Variants in DNAH3 observed in about 807,000 individuals in gnomAD.
DNAH3 encodes axonemal beta dynein heavy chain 3.
In DNAH3, 332 loss-of-function variants were observed where a neutral mutation model predicts 432.5. The ratio of observed to expected loss-of-function variants is 0.77; its 90% CI spans 0.70 to 0.84. The LOEUF (loss-of-function observed/expected upper bound fraction) is 0.84, where lower values mean the gene tolerates loss of function less well. Ranked by LOEUF, DNAH3 falls within the 40% of genes least tolerant of loss-of-function variation. The pLI is 0.00. For synonymous variants in DNAH3, 1,956 were observed against 1,900.2 expected (o/e 1.03, Z -0.76); for missense variants, 4,861 against 5,114.0 (o/e 0.95, Z 1.51).
intron 59 of DNAH3, among the ~76,000 whole-genome samples, chr16:20,940,856 G>A (rs2083779383): frequency 6.6e-6 from 1 of 152,118 alleles, no homozygotes; most frequent in Non-Finnish European, 1.5e-5. Flanking sequence ...CACTTTACGA[G>A]GCCAAGGCTG....
At chr16:20,978,791 C>T (rs55773642) in intron 50 of DNAH3, among the ~76,000 whole-genome samples, 30,742 of 151,976 alleles carry the variant, frequency 0.2, 3,446 homozygotes, top group South Asian at 0.29. Context: ...CTGATCCTCC[C>T]GGCTTTGACC....
intron 7 of DNAH3, 86 bp downstream of exon 8, chr16:21,134,172 AC>A (rs1315709633): frequency 2.3e-6 from 3 of 1,303,130 alleles, no homozygotes; most frequent in Non-Finnish European, 3.2e-6. Context: ...TGTCAGGGCT[AC>A]CCCCACTGTG....
chr16:20,973,930 ATTAT>A (rs1374243369), intron 51 of DNAH3, among the ~76,000 whole-genome samples: 1 of 152,204 alleles, frequency 6.6e-6, no homozygotes, highest in African/African-American at 2.4e-5. Flanking sequence ...GCGGCTTATG[ATTAT>A]TTAACAAATA....
chr16:21,007,802 T>G (rs548386875), intron 41 of DNAH3, among the ~76,000 whole-genome samples: 1 of 152,220 alleles, frequency 6.6e-6, no homozygotes, highest in African/African-American at 2.4e-5. Context: ...TGTGCATCTA[T>G]GTTTTCTTCT....
chr16:21,156,191 TTTTATTTTA>T (rs960766844), intron 1 of DNAH3, among the ~76,000 whole-genome samples: 3 of 141,044 alleles, frequency 2.1e-5, no homozygotes, highest in Admixed American at 2.1e-4. Context: ...TTTTATTTTA[TTTTATTTTA>T]TTTATTTTAT....
chr16:21,159,459 G>T, upstream of DNAH3: 2 of 1,610,230 alleles, frequency 1.2e-6, no homozygotes, highest in South Asian at 1.1e-5. Flanking sequence ...CCAGAGATGT[G>T]ACCCCTCCTC....
chr16:21,006,956 T>C (rs2087335594), intron 41 of DNAH3, among the ~76,000 whole-genome samples: 1 of 152,180 alleles, frequency 6.6e-6, no homozygotes, highest in Non-Finnish European at 1.5e-5. Context: ...TTAAATTAAA[T>C]TGGATTGTGT....
exon 27 of DNAH3, chr16:21,058,169 A>G: frequency 2.5e-6 from 4 of 1,613,560 alleles, no homozygotes; most frequent in Non-Finnish European, 1.7e-6. Context: ...TGTCCAGGCC[A>G]CTGTAAGACC....
At chr16:21,121,663 G>A (rs1047302779) in intron 10 of DNAH3, among the ~76,000 whole-genome samples, 11 of 148,638 alleles carry the variant, frequency 7.4e-5, no homozygotes, top group African/African-American at 2.0e-4. Context: ...GTGCGGTGAC[G>A]CCATCTCAGC....
chr16:21,077,821 G>C (rs991006981), intron 20 of DNAH3, among the ~76,000 whole-genome samples: 3 of 152,126 alleles, frequency 2.0e-5, no homozygotes, highest in Admixed American at 6.5e-5. Flanking sequence ...CATAGGTCAG[G>C]AAACCAACGC....
Position 21,138,810 on chromosome 16 carries a change from A to AT in DNAH3, c.696+1725dup, listed in dbSNP as rs1336883930. 5.9e-4 allele frequency among the ~76,000 whole-genome samples: 49 copies of AT among 83,118 alleles called. 1 individual carries two copies. The highest frequency in any genetic ancestry group is 2.3e-3 in the African/African-American group (46 of 19,994). The allele number at this position is 83,118 out of a possible 152,430, so 54.5% of individuals were successfully genotyped here. A position where few individuals can be genotyped will look rare whatever the true frequency, so the allele number is the denominator to read the frequency against. On this transcript the variant is annotated intron_variant, in intron 5 of 61. Transcript: ENST00000261383. ...GGGTAACAGAGCAAGACTCCCTCTA[A>AT]TAAAAAAAAAAAACAACACAGAGAC...
chr16:20,953,239 A>G (rs1259542511), intron 55 of DNAH3, among the ~76,000 whole-genome samples: 4 of 150,742 alleles, frequency 2.7e-5, no homozygotes, highest in African/African-American at 9.8e-5. Flanking sequence ...GCTGACTGCA[A>G]CCTCCACCTC....
intron 53 of DNAH3, among the ~76,000 whole-genome samples, chr16:20,959,892 T>C (rs564357616): frequency 9.2e-4 from 140 of 152,242 alleles, no homozygotes; most frequent in South Asian, 5.2e-3. Context: ...GAAAAGGATA[T>C]TCCCAGGTGC....
exon 43 of DNAH3, chr16:21,000,364 T>G (rs1387516370): frequency 6.2e-7 from 1 of 1,614,046 alleles, no homozygotes. Context: ...TAGGTACGTA[T>G]TTTTGGGAAG....
chr16:20,974,584 T>TTTTG (rs1555514752), intron 51 of DNAH3, among the ~76,000 whole-genome samples: 14 of 133,594 alleles, frequency 1.0e-4, no homozygotes, highest in African/African-American at 4.0e-4. Flanking sequence ...ATAGTGTTTT[T>TTTTG]TTTTTTTTTT....
chr16:20,981,640 G>A (rs770513782), intron 49 of DNAH3, among the ~76,000 whole-genome samples: 18 of 152,018 alleles, frequency 1.2e-4, no homozygotes, highest in African/African-American at 3.9e-4. Context: ...CACAAGAATC[G>A]CATTAACCCG....
intron 23 of DNAH3, among the ~76,000 whole-genome samples, chr16:21,067,757 TG>T (rs35833656): frequency 0.13 from 3,717 of 29,308 alleles, 194 homozygotes; most frequent in East Asian, 0.21. Flanking sequence ...AAGCCAGTCT[TG>T]GGGGGGGGGG....
rs747555441 is a variant in DNAH3, at chr16:20,964,514, G to C, written c.9370C>G (p.Pro3124Ala). Residue 3124 changes from proline (P) to alanine (A), a missense_variant, in exon 53 of 62, where the codon CCT becomes GCT. Coordinates refer to ENST00000261383, the Ensembl canonical transcript of DNAH3. ...TCTCCAATGTTTTCAATCAAGACAGGGGTGCCTAACTGCAGCGCGTTTTCC... is the reference window on the plus strand; with the variant it reads ...TCTCCAATGTTTTCAATCAAGACAGCGGTGCCTAACTGCAGCGCGTTTTCC... 3.1e-6 allele frequency: 5 copies of C among 1,614,150 alleles called. No homozygotes were observed. The South Asian group carries it at 4.4e-5, about 14-fold the overall frequency.
chr16:21,062,740 C>G, intron 24 of DNAH3, 57 bp from the exon 25 acceptor site: 1 of 1,431,374 alleles, frequency 7.0e-7, no homozygotes, highest in Non-Finnish European at 9.6e-7. Context: ...CTTTTTCTAG[C>G]AAGGTGATAC....
Sources: gnomAD v4.1 joint callset for allele counts (sites outside exome capture counted in the v4.1 genomes callset) on GRCh38, gnomAD v4.1.1 for gene constraint, MANE v1.5 for transcripts, NCBI Gene and HGNC (gene_info 2026-07-23, HGNC 2026-07-21) for gene names.